The following MTIF2 variants were observed in gnomAD, a reference collection of about 807,000 sequenced individuals.
The protein encoded by MTIF2 is translation initiation factor IF-2, mitochondrial.
Under a neutral mutation model 83.5 loss-of-function variants are expected in MTIF2, and 71 were observed. The ratio of observed to expected loss-of-function variants is 0.85; its 90% CI spans 0.70 to 1.04. MTIF2 has a LOEUF of 1.04. Among genes scored for constraint, MTIF2 ranks in the 50% least tolerant of loss-of-function variants. The probability of loss-of-function intolerance (pLI) is 0.00; values close to 1 mark genes in which losing one functional copy is unlikely to be tolerated. For missense variants in MTIF2, 957 were observed against 846.5 expected (o/e 1.13, Z -1.62); for synonymous variants, 319 against 287.1 (o/e 1.11, Z -1.12).
intron 8 of MTIF2, among the ~76,000 whole-genome samples, chr2:55,251,760 A>T (rs1260767619): frequency 6.6e-6 from 1 of 152,114 alleles, no homozygotes; most frequent in African/African-American, 2.4e-5. Flanking sequence ...AGTAGCTGGG[A>T]TTACAGGTAT....
At chr2:55,251,184 A>G (rs1470239059) in intron 8 of MTIF2, among the ~76,000 whole-genome samples, 6 of 152,052 alleles carry the variant, frequency 3.9e-5, no homozygotes, top group Non-Finnish European at 8.8e-5. Flanking sequence ...AACCGGTACC[A>G]AGAGAAGAGG....
chr2:55,265,815 A>G (rs1678387492), intron 3 of MTIF2, among the ~76,000 whole-genome samples: 1 of 152,210 alleles, frequency 6.6e-6, no homozygotes, highest in African/African-American at 2.4e-5. Flanking sequence ...TGTGTTCCAC[A>G]TTTGTGGATT....
chr2:55,240,177 T>G lies in MTIF2; in HGVS notation c.1706-2A>C. The G allele has an allele frequency of 6.2e-7, 1 of 1,602,328 alleles. No individual in the cohort carries two copies. The highest frequency in any genetic ancestry group is 8.5e-7 in the Non-Finnish European group (1 of 1,171,132). On this transcript the variant is annotated splice_acceptor_variant, in intron 13 of 15. Transcript: ENST00000263629. LOFTEE classifies it high-confidence loss of function. ...TCACATTAAAGCCATATATAACACC[T>G]AGCAAACAGAAATATGATCAATGAA...
At chr2:55,266,441 T>G in intron 3 of MTIF2, 1 of 151,194 alleles carries the variant, frequency 6.6e-6, no homozygotes, top group Non-Finnish European at 1.5e-5. Flanking sequence ...CAGGAGAATT[T>G]CTTGAACCCG....
intron 13 of MTIF2, among the ~76,000 whole-genome samples, chr2:55,241,383 A>G (rs1269170755): frequency 6.7e-6 from 1 of 149,412 alleles, no homozygotes; most frequent in Non-Finnish European, 1.5e-5. Context: ...ACGCCACTGC[A>G]CTCCAGCCTG....
chr2:55,262,541 C>CTTTTTT (rs66500251), intron 4 of MTIF2, 114 bp from the exon 5 acceptor site: 17 of 285,154 alleles, frequency 6.0e-5, no homozygotes, highest in Middle Eastern at 1.1e-3. Flanking sequence ...CTTTTTTTTT[C>CTTTTTT]TTTTTTTTTT....
intron 4 of MTIF2, 121 bp from the exon 5 acceptor site, chr2:55,262,548 T>TC (rs1392305987): frequency 1.3e-5 from 8 of 624,520 alleles, no homozygotes; most frequent in African/African-American, 6.0e-5. Flanking sequence ...TTTCTTTTTT[T>TC]TTTTTTTTTT....
intron 9 of MTIF2, among the ~76,000 whole-genome samples, chr2:55,248,071 A>G (rs1676832737): frequency 6.6e-6 from 1 of 152,050 alleles, no homozygotes; most frequent in Non-Finnish European, 1.5e-5. Context: ...TTGTGTTTTT[A>G]TAGAGACAAG....
chr2:55,237,454 T>A (rs1237485138), intron 14 of MTIF2, 26 bp from the exon 15 acceptor site: 23 of 1,564,426 alleles, frequency 1.5e-5, no homozygotes, highest in Non-Finnish European at 2.0e-5. Context: ...AACATTAATG[T>A]GCAGAAAACT....
In MTIF2 at chr2:55,263,654, GA is replaced by G; in HGVS notation, c.204del (p.Leu69Ter). 1 of 1,595,860 alleles carries G rather than the reference GA, an allele frequency of 6.3e-7. No individual in the cohort carries two copies. The highest frequency in any genetic ancestry group is 1.4e-5 in the African/African-American group (1 of 73,566). On this transcript the variant is annotated frameshift_variant, in exon 4 of 16. Transcript: ENST00000263629. LOFTEE classifies it high-confidence loss of function. ...LTGAALSQYR[L>X]LVTKKEEGPW... Reference sequence around the variant, plus strand: ...TCTGTAACTACCTTTTTTGTTACTAGAAGCCTATACTGAGATAAAGCAGCCC... The same window carrying G: ...TCTGTAACTACCTTTTTTGTTACTAGAGCCTATACTGAGATAAAGCAGCCC...
chr2:55,258,776 C>A (rs1431328521), intron 5 of MTIF2, among the ~76,000 whole-genome samples: 1 of 144,294 alleles, frequency 6.9e-6, no homozygotes, highest in African/African-American at 2.6e-5. Context: ...CGTATCACTG[C>A]ACTCCAGACT....
At position 55,237,413 on chromosome 2, in the gene MTIF2, A is replaced by G; in HGVS notation, c.1886T>C (p.Leu629Pro). 1 of 1,611,122 alleles carries G rather than the reference A, an allele frequency of 6.2e-7. No homozygotes were observed. Among genetic ancestry groups the G allele is most frequent in the Non-Finnish European group, 8.5e-7 (1 of 1,179,376 alleles). The stretch of plus-strand genomic sequence containing the variant: ...CCCTTCTGTTACAGAGAAGGTAGCT[A>G]GTATAGATGCCTCACCTTTAGGAAG... Reference protein sequence around the residue: ...EEHPVGEASILATFSVTEGKK... With the variant: ...EEHPVGEASIPATFSVTEGKK... The change falls in exon 15 of 16, where the codon CTA becomes CCA. Residue 629 changes from leucine to proline, a missense_variant. By Grantham distance (98) the Leu-to-Pro change is moderately conservative. This residue lies in a region of MTIF2 where 221 missense variants were observed against 180.6 expected (regional missense o/e 1.22). Coordinates refer to ENST00000263629, the MANE Select transcript of MTIF2 (RefSeq NM_002453.3).
At chr2:55,261,131 C>G (rs866822695) in intron 5 of MTIF2, among the ~76,000 whole-genome samples, 1 of 151,506 alleles carries the variant, frequency 6.6e-6, no homozygotes, top group East Asian at 2.0e-4. Context: ...GGACTACAGG[C>G]GCCCGCCACT....
chr2:55,237,564 T>A (rs74410951), intron 14 of MTIF2, 136 bp from the exon 15 acceptor site: 12 of 643,118 alleles, frequency 1.9e-5, no homozygotes, highest in Non-Finnish European at 2.1e-5. Flanking sequence ...TCTGGGTTTC[T>A]TTAACTCCAA....
intron 7 of MTIF2, 46 bp downstream of exon 7, chr2:55,253,995 A>G (rs1352908922): frequency 2.5e-6 from 4 of 1,595,128 alleles, no homozygotes; most frequent in Non-Finnish European, 3.4e-6. Flanking sequence ...GTTTAAGAAA[A>G]TAAGTGGGGT....
chr2:55,247,763 C>T lies in MTIF2; in HGVS notation c.982-1302G>A, dbSNP rs934805703. Among the ~76,000 whole-genome samples, 61 of 152,124 alleles carry T rather than the reference C, an allele frequency of 4.0e-4. 1 individual carries two copies. The highest frequency in any genetic ancestry group is 1.4e-3 in the African/African-American group (59 of 41,412). ...AGAAGGCCTCATCTTACCTCCCTGCCACTCTCTTCCAATCCCCTCCCTTCC... is the reference window on the plus strand; with the variant it reads ...AGAAGGCCTCATCTTACCTCCCTGCTACTCTCTTCCAATCCCCTCCCTTCC... On this transcript the variant is annotated intron_variant, in intron 9 of 15. Transcript: ENST00000263629.
chr2:55,245,259 C>T (rs756704743), intron 10 of MTIF2, among the ~76,000 whole-genome samples: 8 of 152,096 alleles, frequency 5.3e-5, no homozygotes, highest in African/African-American at 1.2e-4. Context: ...TAGTGGCTCA[C>T]GCCTGTAATC....
At position 55,244,123 on chromosome 2, in the gene MTIF2, G is replaced by GT; in HGVS notation, c.1216dup (p.Thr406AsnfsTer3). On this transcript the variant is annotated frameshift_variant, in exon 11 of 16. Coordinates refer to ENST00000263629, the MANE Select transcript of MTIF2 (RefSeq NM_002453.3). LOFTEE classifies it high-confidence loss of function. ...CATGCTGGGATAGGCCTCATCAATT[G>GT]TTTTTCCATTTTCATCAAACATTAA... 2 of 1,614,054 alleles carry GT rather than the reference G, an allele frequency of 1.2e-6. No individual in the cohort carries two copies. The highest frequency in any genetic ancestry group is 4.5e-5 in the East Asian group (2 of 44,874).
At position 55,262,376 on chromosome 2, in the gene MTIF2, C is replaced by A; in HGVS notation, c.271G>T (p.Val91Leu). 1 of 1,613,708 alleles carries A rather than the reference C, an allele frequency of 6.2e-7. No individual in the cohort carries two copies. Among genetic ancestry groups the A allele is most frequent in the Non-Finnish European group, 8.5e-7 (1 of 1,179,862 alleles). ...ATAGTCATTCCAATCCATACTTCTA[C>A]CACCTTTTTAGATTTTGTTGAAGAT... ...QLSSTKSKKV[V>L]EVWIGMTIEE... is the part of the protein sequence containing the mutation. The change falls in exon 5 of 16, where the codon GTA becomes TTA. Residue 91 changes from valine to leucine, a missense_variant. Transcript: ENST00000263629.
Sources: allele counts gnomAD v4.1 joint callset (sites outside exome capture counted in the v4.1 genomes callset), GRCh38; gene constraint gnomAD v4.1.1; regional missense constraint gnomAD v4.1.1; transcripts MANE v1.5; gene names NCBI Gene and HGNC (gene_info 2026-07-23, HGNC 2026-07-21).